RDH13: variants seen among roughly 807,000 people sequenced by gnomAD.
The protein encoded by RDH13 is retinol dehydrogenase 13.
A neutral mutation model predicts 28.3 loss-of-function variants in RDH13; 35 were observed. The observed-to-expected ratio is 1.24, with a 90% confidence interval of 0.95 to 1.64. The LOEUF is 1.64. Among genes scored for constraint, RDH13 ranks in the 40% most tolerant of loss-of-function variants. The pLI is 0.00. For missense variants in RDH13, 514 were observed against 446.3 expected (o/e 1.15, Z -1.37); for synonymous variants, 229 against 198.5 (o/e 1.15, Z -1.29).
chr19:55,063,933 A>ACAG (rs905914337), upstream of RDH13: 10 of 152,220 alleles, frequency 6.6e-5, no homozygotes, highest in African/African-American at 2.4e-4. Flanking sequence ...TGCACTGCTC[A>ACAG]CAGCGAGTGT....
At chr19:55,060,393 G>A (rs1030346937) in intron 1 of RDH13, among the ~76,000 whole-genome samples, 6 of 152,186 alleles carry the variant, frequency 3.9e-5, no homozygotes, top group Non-Finnish European at 7.3e-5. Flanking sequence ...TCCAGGCATA[G>A]TACCTTCCCT....
chr19:55,064,372 G>T (rs1356986334), upstream of RDH13: 2 of 151,050 alleles, frequency 1.3e-5, no homozygotes, highest in African/African-American at 4.9e-5. Context: ...AGTGAGCCGA[G>T]ATTGCCCTAC....
chr19:55,053,574 A>G (rs1027546712), intron 3 of RDH13, among the ~76,000 whole-genome samples: 2 of 151,628 alleles, frequency 1.3e-5, no homozygotes, highest in African/African-American at 4.8e-5. Context: ...GGAGAATGGC[A>G]TGAACCCGGG....
At chr19:55,057,814 T>TTA (rs56038035) in intron 2 of RDH13, among the ~76,000 whole-genome samples, 7 of 18,354 alleles carry the variant, frequency 3.8e-4, no homozygotes, top group Non-Finnish European at 5.3e-4. Context: ...TTTATTATTA[T>TTA]TTTTTTTTTT....
intron 3 of RDH13, among the ~76,000 whole-genome samples, chr19:55,055,815 TGCACTCTA>T (rs2075612876): frequency 6.6e-6 from 1 of 151,968 alleles, no homozygotes; most frequent in African/African-American, 2.4e-5. Context: ...ACTGCACCAC[TGCACTCTA>T]GCCTGGGTGA....
At chr19:55,039,671 C>A (rs1281082108), downstream of RDH13, 2 of 148,134 alleles carry the variant, frequency 1.4e-5, no homozygotes, top group African/African-American at 5.0e-5. Flanking sequence ...GTAAAACCCC[C>A]AAAAAATACA....
intron 6 of RDH13, chr19:55,047,110 G>A: frequency 1.5e-6 from 2 of 1,366,834 alleles, no homozygotes; most frequent in Non-Finnish European, 1.9e-6. Flanking sequence ...GTTACCCTGA[G>A]TACAGCCTGA....
upstream of RDH13, among the ~76,000 whole-genome samples, chr19:55,066,239 T>C (rs1460556798): frequency 6.6e-6 from 1 of 152,146 alleles, no homozygotes; most frequent in African/African-American, 2.4e-5. Flanking sequence ...CTTTACCATT[T>C]TCCTGGTTGT....
At chr19:55,042,467 T>A (rs148589270), downstream of RDH13, 1 of 152,346 alleles carries the variant, frequency 6.6e-6, no homozygotes, top group East Asian at 1.9e-4. Flanking sequence ...GCCACTGTTA[T>A]GTAGTTTTTA....
Position 55,056,187 on chromosome 19 carries a change from G to T in RDH13, c.340+466C>A, listed in dbSNP as rs942451944. ...CAAACAAACAAAACAAAGTCAGCCGGGCGCAGTGGCCCACGCCTGTAATCC... is the reference window on the plus strand; with the variant it reads ...CAAACAAACAAAACAAAGTCAGCCGTGCGCAGTGGCCCACGCCTGTAATCC... On this transcript the variant is annotated intron_variant, in intron 3 of 6. Transcript: ENST00000415061. 3.3e-4 allele frequency among the ~76,000 whole-genome samples: 50 copies of T among 151,972 alleles called. 1 individual carries two copies. The highest frequency in any genetic ancestry group is 1.2e-3 in the African/African-American group (49 of 41,440).
rs748298689 is a variant in RDH13 at position 55,056,702 on chromosome 19, G to A, written c.291C>T (p.Asp97=). ...CTCGGATAGACTTGAGGGAAGCCAAGTCCAGGTGCCGGGCGTTGACATGGT... is the reference window on the plus strand; with the variant it reads ...CTCGGATAGACTTGAGGGAAGCCAAATCCAGGTGCCGGGCGTTGACATGGT... ...LNHHVNARHL[D]LASLKSIREF... The change falls in exon 3 of 7, where the codon GAC becomes GAT. Residue 97 remains aspartate, a synonymous_variant. Transcript: ENST00000415061. The A allele has an allele frequency of 6.2e-7, 1 of 1,613,946 alleles. No individual in the cohort carries two copies. Among genetic ancestry groups the A allele is most frequent in the African/African-American group, 1.3e-5 (1 of 74,880 alleles).
At chr19:55,047,976 G>C (rs527541517) in intron 5 of RDH13, 2 of 1,172,970 alleles carry the variant, frequency 1.7e-6, no homozygotes, top group East Asian at 6.5e-5. Flanking sequence ...CTCTCCCCAA[G>C]CCAGCTGTGA....
intron 3 of RDH13, among the ~76,000 whole-genome samples, chr19:55,048,991 G>A (rs143320724): frequency 3.3e-3 from 495 of 152,240 alleles, no homozygotes; most frequent in African/African-American, 0.011. Flanking sequence ...ATGGGGAGAA[G>A]GCCATGTGTG....
At chr19:55,059,376 T>TA in intron 1 of RDH13, 101 bp from the exon 2 acceptor site, 1 of 706,232 alleles carries the variant, frequency 1.4e-6, no homozygotes, top group Admixed American at 2.3e-5. Flanking sequence ...CTCACTCACA[T>TA]ACCCCAACTG....
At chr19:55,045,410 G>GAGCCCTCCTCT in intron 6 of RDH13, 101 bp from the exon 7 acceptor site, 1 of 868,762 alleles carries the variant, frequency 1.2e-6, no homozygotes, top group South Asian at 1.6e-5. Context: ...GAGTCCCACA[G>GAGCCCTCCTCT]AGCCCTCCTC....
At chr19:55,066,748 CTCCCTCTCCCCCCAACTCTCTT>C (rs1167647477), upstream of RDH13, among the ~76,000 whole-genome samples, 1 of 151,348 alleles carries the variant, frequency 6.6e-6, no homozygotes, top group African/African-American at 2.4e-5. Flanking sequence ...TGTTCTCTCT[CTCCCTCTCCCCCCAACTCTCTT>C]TCCCTACACA....
At chr19:55,052,118 A>ACAAT (rs2075463597) in intron 3 of RDH13, among the ~76,000 whole-genome samples, 1 of 137,898 alleles carries the variant, frequency 7.3e-6, no homozygotes, top group African/African-American at 2.8e-5. Flanking sequence ...GTGCAGTGGT[A>ACAAT]CAATCAAAGC....
intron 3 of RDH13, among the ~76,000 whole-genome samples, chr19:55,050,129 G>T (rs1480631927): frequency 3.3e-5 from 5 of 150,794 alleles, no homozygotes; most frequent in African/African-American, 1.2e-4. Context: ...TTTTTTTGGG[G>T]GGGGGAGATG....
chr19:55,062,840 G>T, intron 1 of RDH13, 128 bp downstream of exon 1: 1 of 791,638 alleles, frequency 1.3e-6, no homozygotes, highest in Non-Finnish European at 1.8e-6. Context: ...CCCACTCCGG[G>T]CGGGCACTGC....
Sources: gnomAD v4.1 joint callset for allele counts (sites outside exome capture counted in the v4.1 genomes callset) on GRCh38, gnomAD v4.1.1 for gene constraint, MANE v1.5 for transcripts, NCBI Gene and HGNC (gene_info 2026-07-23, HGNC 2026-07-21) for gene names.